TOGARAM2: variants seen among roughly 807,000 people sequenced by gnomAD.
TOGARAM2 encodes TOG array regulator of axonemal microtubules protein 2.
In TOGARAM2, 85 loss-of-function variants were observed where a neutral mutation model predicts 93.3. That is an observed-to-expected ratio of 0.91 (90% confidence interval 0.76 to 1.09). The LOEUF (loss-of-function observed/expected upper bound fraction) is 1.09, where lower values mean the gene tolerates loss of function less well. Among genes scored for constraint, TOGARAM2 ranks in the 50% least tolerant of loss-of-function variants. TOGARAM2 has a pLI of 0.00. For missense variants in TOGARAM2, 1,277 were observed against 1,334.5 expected (o/e 0.96, Z 0.67); for synonymous variants, 593 against 552.8 (o/e 1.07, Z -1.02).
rs1340126716 is a variant in TOGARAM2 at position 28,998,161 on chromosome 2, T to C, written c.47T>C (p.Val16Ala). The C allele has an allele frequency of 6.2e-7, 1 of 1,609,172 alleles. No individual in the cohort carries two copies. The highest frequency in any genetic ancestry group is 2.2e-5 in the East Asian group (1 of 44,742). Reference sequence around the variant, plus strand: ...TCTCCAGCCAAGGTCCTGGTCCCCGTGGCCGTGTACTGCGGGAGCATCCCT... The same window carrying C: ...TCTCCAGCCAAGGTCCTGGTCCCCGCGGCCGTGTACTGCGGGAGCATCCCT... ...DVPEAKVLVPVAVYCGSIPRT... is the reference protein window; with the variant it reads ...DVPEAKVLVPAAVYCGSIPRT... The change falls in exon 3 of 20, where the codon GTG (valine) becomes GCG (alanine). Residue 16 changes from valine to alanine, a missense_variant. Transcript: ENST00000379558.
intron 1 of TOGARAM2, among the ~76,000 whole-genome samples, chr2:28,986,301 T>C (rs981083567): frequency 1.6e-4 from 25 of 152,072 alleles, no homozygotes; most frequent in African/African-American, 6.0e-4. Flanking sequence ...CTGTTAATTC[T>C]CACATCAGAA....
Position 29,036,664 on chromosome 2 carries a change from A to AT in TOGARAM2, c.2543dup (p.Ile849HisfsTer28), listed in dbSNP as rs761871795. 7.9e-5 allele frequency: 128 copies of AT among 1,613,858 alleles called. No homozygotes were observed. Among genetic ancestry groups the AT allele is most frequent in the Non-Finnish European group, 1.0e-4 (118 of 1,179,888 alleles). ...GAGCTTACACCCCATGCTGCTCTCC[A>AT]TCATCATCACTGTTGCAGACAACCT... On this transcript the variant is annotated frameshift_variant, in exon 18 of 20. Coordinates refer to ENST00000379558, the MANE Select transcript of TOGARAM2 (RefSeq NM_199280.4). LOFTEE classifies it high-confidence loss of function.
intron 18 of TOGARAM2, among the ~76,000 whole-genome samples, chr2:29,042,462 G>A (rs545498566): frequency 6.6e-6 from 1 of 152,352 alleles, no homozygotes; most frequent in African/African-American, 2.4e-5. Flanking sequence ...GTGTCTAGAT[G>A]TCAGGTCTAG....
intron 4 of TOGARAM2, among the ~76,000 whole-genome samples, chr2:29,001,986 G>A (rs949839235): frequency 1.3e-5 from 2 of 152,166 alleles, no homozygotes; most frequent in African/African-American, 2.4e-5. Context: ...GTGGGGCACA[G>A]GGCGCTGAAG....
At chr2:29,002,792 C>G in intron 5 of TOGARAM2, 45 bp downstream of exon 5, 1 of 1,541,456 alleles carries the variant, frequency 6.5e-7, no homozygotes, top group Non-Finnish European at 8.9e-7. Flanking sequence ...AGCTTCTTGC[C>G]CTCCCTTCCT....
rs77944724 is a variant in TOGARAM2 at position 29,028,116 on chromosome 2, C to T, written c.2012+1105C>T. 2.7e-3 allele frequency among the ~76,000 whole-genome samples: 416 copies of T among 152,302 alleles called. 5 individuals carry two copies. Among genetic ancestry groups the T allele is most frequent in the African/African-American group, 9.6e-3 (399 of 41,576 alleles). ...GCTAGGGCTGGAGCCCAGTTCCTCA[C>T]ACTCCTCAGTTCAGGGCTTATTACT... On this transcript the variant is annotated intron_variant, in intron 14 of 19. Coordinates refer to ENST00000379558, the MANE Select transcript of TOGARAM2 (RefSeq NM_199280.4).
intron 1 of TOGARAM2, among the ~76,000 whole-genome samples, chr2:28,974,668 C>T (rs1297802657): frequency 6.6e-6 from 1 of 152,032 alleles, no homozygotes; most frequent in Admixed American, 6.6e-5. Flanking sequence ...GGCTGGGGTG[C>T]AGTGGCTTGA....
intron 4 of TOGARAM2, among the ~76,000 whole-genome samples, chr2:29,001,564 G>A (rs1272986184): frequency 4.6e-5 from 7 of 151,502 alleles, no homozygotes; most frequent in East Asian, 3.9e-4. Flanking sequence ...GCAGTGGTGC[G>A]ATCTCGGCTC....
At chr2:28,986,562 C>T (rs1320454501) in intron 1 of TOGARAM2, among the ~76,000 whole-genome samples, 1 of 152,206 alleles carries the variant, frequency 6.6e-6, no homozygotes, top group Non-Finnish European at 1.5e-5. Context: ...TTCCCAGCAA[C>T]GTGCTACTTG....
intron 12 of TOGARAM2, 48 bp downstream of exon 12, chr2:29,023,239 G>A (rs1665092749): frequency 7.0e-7 from 1 of 1,426,886 alleles, no homozygotes; most frequent in Non-Finnish European, 9.7e-7. Flanking sequence ...CACTGCAGCT[G>A]CTGGATGCAG....
At chr2:28,990,156 G>A (rs1393225915) in intron 1 of TOGARAM2, among the ~76,000 whole-genome samples, 1 of 152,292 alleles carries the variant, frequency 6.6e-6, no homozygotes, top group Non-Finnish European at 1.5e-5. Flanking sequence ...GAGACAGCAC[G>A]AGATACAGGA....
intron 14 of TOGARAM2, among the ~76,000 whole-genome samples, chr2:29,028,329 T>C (rs1665540041): frequency 2.0e-5 from 3 of 152,190 alleles, no homozygotes. Context: ...GTGCCTGCGG[T>C]TCCTCCCATT....
At chr2:28,966,628 A>C (rs1671872354) in intron 1 of TOGARAM2, among the ~76,000 whole-genome samples, 1 of 152,220 alleles carries the variant, frequency 6.6e-6, no homozygotes, top group Admixed American at 6.5e-5. Context: ...ATGTATATAA[A>C]TAATCCATGT....
At chr2:29,020,454 C>A (rs1664867541) in intron 10 of TOGARAM2, among the ~76,000 whole-genome samples, 1 of 152,196 alleles carries the variant, frequency 6.6e-6, no homozygotes, top group Admixed American at 6.5e-5. Flanking sequence ...ATCTGTTCAA[C>A]TTCTTCTGTT....
At chr2:29,004,921 CG>C (rs746982242) in intron 6 of TOGARAM2, among the ~76,000 whole-genome samples, 1 of 99,466 alleles carries the variant, frequency 1.0e-5, no homozygotes, top group East Asian at 3.8e-4. Flanking sequence ...TGCATGTGTA[CG>C]TGTGTGAGTG....
chr2:28,966,523 C>T (rs1671870609), intron 1 of TOGARAM2, among the ~76,000 whole-genome samples: 1 of 151,808 alleles, frequency 6.6e-6, no homozygotes, highest in Admixed American at 6.6e-5. Context: ...GTCTTGATCT[C>T]CTGACTTCAT....
chr2:29,001,277 G>A (rs1234731862), intron 4 of TOGARAM2, among the ~76,000 whole-genome samples: 4 of 152,182 alleles, frequency 2.6e-5, no homozygotes, highest in African/African-American at 7.2e-5. Flanking sequence ...AACCAGCACC[G>A]GAAGCCAGGA....
chr2:29,024,573 C>G lies in TOGARAM2; in HGVS notation c.1853+199C>G, dbSNP rs570590430. Among the ~76,000 whole-genome samples, 6 of 152,276 alleles carry G rather than the reference C, an allele frequency of 3.9e-5. No homozygotes were observed. In the East Asian group the frequency reaches 1.2e-3, roughly 29 times the overall value. On this transcript the variant is annotated intron_variant, in intron 13 of 19. Coordinates refer to ENST00000379558, the MANE Select transcript of TOGARAM2 (RefSeq NM_199280.4). ...GGTTCTGAGTGAAGAAGGGGCCCAT[C>G]TCAGACTTCACAGCAGGTGCTTCCC... is the stretch of plus-strand genomic sequence containing the variant.
intron 6 of TOGARAM2, among the ~76,000 whole-genome samples, chr2:29,009,804 G>A (rs928194756): frequency 1.3e-5 from 2 of 151,988 alleles, no homozygotes; most frequent in Non-Finnish European, 1.5e-5. Flanking sequence ...TGGGGCCTGC[G>A]GAGGAGCCTG....
Sources: allele counts gnomAD v4.1 joint callset (sites outside exome capture counted in the v4.1 genomes callset), GRCh38; gene constraint gnomAD v4.1.1; transcripts MANE v1.5; gene names NCBI Gene and HGNC (gene_info 2026-07-23, HGNC 2026-07-21).